PCDH15: variants seen among roughly 807,000 people sequenced by gnomAD.
The protein encoded by PCDH15 is protocadherin-15.
A neutral mutation model predicts 178.5 loss-of-function variants in PCDH15; 129 were observed. That is an observed-to-expected ratio of 0.72 (90% CI 0.63 to 0.84). The LOEUF (loss-of-function observed/expected upper bound fraction) is 0.84, where lower values mean the gene tolerates loss of function less well. PCDH15 is among the 40% of genes least tolerant of loss of function. PCDH15 has a pLI of 0.00. For synonymous variants in PCDH15, 800 were observed against 732.0 expected, an observed-to-expected ratio of 1.09 and a Z score of -1.50; for missense variants, 2,230 against 2,099.9, an observed-to-expected ratio of 1.06 and a Z score of -1.21.
At chr10:55,588,865 C>T (rs187303844) in intron 2 of PCDH15, among the ~76,000 whole-genome samples, 4 of 151,884 alleles carry the variant, frequency 2.6e-5, no homozygotes, top group East Asian at 1.9e-4. Flanking sequence ...GTGGATCACC[C>T]GAGGTTGGGA....
chr10:54,663,955 CTG>C (rs1379043435), intron 2 of PCDH15, among the ~76,000 whole-genome samples: 1 of 151,922 alleles, frequency 6.6e-6, no homozygotes, highest in African/African-American at 2.4e-5. Context: ...TTGTACTAAA[CTG>C]TATTCCTTCT....
intron 2 of PCDH15, among the ~76,000 whole-genome samples, chr10:55,480,379 G>C (rs749569041): frequency 6.6e-6 from 1 of 151,728 alleles, no homozygotes; most frequent in African/African-American, 2.4e-5. Context: ...TAATAGGAGT[G>C]ATGACAGAGG....
At chr10:53,990,023 T>C (rs1444209230) in intron 21 of PCDH15, among the ~76,000 whole-genome samples, 2 of 152,164 alleles carry the variant, frequency 1.3e-5, no homozygotes, top group Non-Finnish European at 2.9e-5. Context: ...CCTCCGCTAA[T>C]AGATTGTAAC....
intron 2 of PCDH15, among the ~76,000 whole-genome samples, chr10:55,058,491 G>C (rs1365408222): frequency 1.3e-5 from 2 of 152,082 alleles, no homozygotes; most frequent in Non-Finnish European, 2.9e-5. Context: ...TTACAGGCTT[G>C]AGCCACCATA....
At chr10:54,523,553 T>C (rs1398081021) in intron 3 of PCDH15, among the ~76,000 whole-genome samples, 1 of 152,164 alleles carries the variant, frequency 6.6e-6, no homozygotes, top group East Asian at 1.9e-4. Flanking sequence ...TTAAATCACA[T>C]GACATACTTA....
intron 3 of PCDH15, among the ~76,000 whole-genome samples, chr10:54,881,015 G>A (rs564883458): frequency 6.6e-6 from 1 of 151,896 alleles, no homozygotes; most frequent in East Asian, 1.9e-4. Flanking sequence ...AAATTTCCTC[G>A]GAGATTTCAG....
At chr10:54,074,084 T>C (rs2094296359) in intron 17 of PCDH15, among the ~76,000 whole-genome samples, 1 of 152,190 alleles carries the variant, frequency 6.6e-6, no homozygotes, top group African/African-American at 2.4e-5. Flanking sequence ...AAGATGGGAA[T>C]GAAAGTAGAC....
intron 33 of PCDH15, among the ~76,000 whole-genome samples, chr10:53,819,832 C>G (rs1047616937): frequency 6.6e-6 from 1 of 151,878 alleles, no homozygotes; most frequent in African/African-American, 2.4e-5. Context: ...TATAATGTAT[C>G]ATAATGACAT....
chr10:55,236,731 A>G (rs1406087761), intron 1 of PCDH15, among the ~76,000 whole-genome samples: 1 of 152,030 alleles, frequency 6.6e-6, no homozygotes, highest in Non-Finnish European at 1.5e-5. Flanking sequence ...TCAAAACTAT[A>G]CATATGATGG....
At chr10:54,578,660 G>A (rs2090746396) in intron 2 of PCDH15, among the ~76,000 whole-genome samples, 1 of 152,082 alleles carries the variant, frequency 6.6e-6, no homozygotes, top group African/African-American at 2.4e-5. Context: ...GAAGGCTAAT[G>A]AACAATTAAA....
intron 3 of PCDH15, among the ~76,000 whole-genome samples, chr10:54,522,828 T>C (rs751731085): frequency 2.0e-5 from 3 of 152,178 alleles, no homozygotes; most frequent in Non-Finnish European, 4.4e-5. Flanking sequence ...AAGGAGAGAA[T>C]TGCAAGCAGG....
At chr10:55,281,735 T>A (rs1244429083) in intron 1 of PCDH15, among the ~76,000 whole-genome samples, 1 of 152,098 alleles carries the variant, frequency 6.6e-6, no homozygotes, top group Non-Finnish European at 1.5e-5. Flanking sequence ...TCAAAGACAG[T>A]GAAAACATAT....
intron 2 of PCDH15, among the ~76,000 whole-genome samples, chr10:54,971,810 G>GTA (rs1838940740): frequency 6.6e-6 from 1 of 152,112 alleles, no homozygotes; most frequent in South Asian, 2.1e-4. Flanking sequence ...ATTCCCATAC[G>GTA]TATATATAAA....
At chr10:55,514,675 C>T (rs927067010) in intron 2 of PCDH15, among the ~76,000 whole-genome samples, 5 of 152,150 alleles carry the variant, frequency 3.3e-5, no homozygotes, top group African/African-American at 1.2e-4. Context: ...TATTGTGTCC[C>T]TCTGGGTATG....
intron 2 of PCDH15, among the ~76,000 whole-genome samples, chr10:54,535,921 A>C (rs2084470934): frequency 6.6e-6 from 1 of 152,170 alleles, no homozygotes; most frequent in Non-Finnish European, 1.5e-5. Flanking sequence ...GTATTCATAC[A>C]TAATTCTCTT....
At chr10:53,825,264 G>T (rs141921990) in intron 32 of PCDH15, 5 of 1,149,036 alleles carry the variant, frequency 4.4e-6, no homozygotes, top group Admixed American at 3.8e-5. Context: ...CACTTAGTAC[G>T]TATATCAAAA....
intron 1 of PCDH15, among the ~76,000 whole-genome samples, chr10:55,171,472 C>T (rs558457362): frequency 6.6e-6 from 1 of 151,990 alleles, no homozygotes; most frequent in Non-Finnish European, 1.5e-5. Flanking sequence ...TAACTTCATT[C>T]AGCTTAATGA....
At chr10:55,137,433 G>A (rs1273035117) in intron 2 of PCDH15, among the ~76,000 whole-genome samples, 2 of 152,056 alleles carry the variant, frequency 1.3e-5, no homozygotes, top group African/African-American at 4.8e-5. Context: ...ATATGATCTA[G>A]GTTTGTGCAA....
chr10:54,878,176 T>G (rs941913231), intron 3 of PCDH15, among the ~76,000 whole-genome samples: 6 of 151,944 alleles, frequency 3.9e-5, no homozygotes, highest in Admixed American at 3.9e-4. Context: ...TTGTCCAGGC[T>G]GGTCTCAAAC....
Sources: allele counts gnomAD v4.1 joint callset (sites outside exome capture counted in the v4.1 genomes callset), GRCh38; gene constraint gnomAD v4.1.1; transcripts MANE v1.5; gene names NCBI Gene and HGNC (gene_info 2026-07-23, HGNC 2026-07-21).